The following DPP10 variants were observed in gnomAD, a reference collection of about 807,000 sequenced individuals.
The protein encoded by DPP10 is inactive dipeptidyl peptidase 10.
Under a neutral mutation model 120.9 loss-of-function variants are expected in DPP10, and 33 were observed. The observed-to-expected ratio is 0.27, with a 90% CI of 0.21 to 0.37. The LOEUF is 0.37. Ranked by LOEUF, DPP10 falls within the 10% of genes least tolerant of loss-of-function variation. The probability of loss-of-function intolerance (pLI) is 1.00; values close to 1 mark genes in which losing one functional copy is unlikely to be tolerated. For missense variants in DPP10, 816 were observed against 942.8 expected (o/e 0.87, Z 1.76); for synonymous variants, 337 against 326.1 (o/e 1.03, Z -0.36).
intron 1 of DPP10, among the ~76,000 whole-genome samples, chr2:115,054,124 T>C (rs576584818): frequency 1.3e-5 from 2 of 152,282 alleles, no homozygotes; most frequent in South Asian, 2.1e-4. Flanking sequence ...AATTGATAAA[T>C]ATGATATTAT....
At chr2:115,791,885 G>A (rs1356725475) in intron 19 of DPP10, among the ~76,000 whole-genome samples, 2 of 152,124 alleles carry the variant, frequency 1.3e-5, no homozygotes, top group East Asian at 1.9e-4. Context: ...TAGGCACCGA[G>A]GCCCCTAACA....
intron 1 of DPP10, among the ~76,000 whole-genome samples, chr2:114,719,134 A>G (rs1701542472): frequency 6.6e-6 from 1 of 152,204 alleles, no homozygotes; most frequent in African/African-American, 2.4e-5. Context: ...TAAATGTGCC[A>G]TAAAATACTT....
At chr2:114,980,990 C>G (rs1700053635) in intron 1 of DPP10, among the ~76,000 whole-genome samples, 1 of 135,770 alleles carries the variant, frequency 7.4e-6, no homozygotes, top group Non-Finnish European at 1.6e-5. Context: ...TATGTTGTGT[C>G]ATTTTTTTTT....
intron 1 of DPP10, among the ~76,000 whole-genome samples, chr2:114,915,264 A>G (rs941536510): frequency 2.6e-5 from 4 of 152,240 alleles, no homozygotes; most frequent in Admixed American, 2.0e-4. Flanking sequence ...AAAGACAAAG[A>G]AGAGCATTAC....
chr2:114,928,318 A>G (rs1481429185), intron 1 of DPP10, among the ~76,000 whole-genome samples: 1 of 152,236 alleles, frequency 6.6e-6, no homozygotes, highest in Non-Finnish European at 1.5e-5. Context: ...CAATTATTGT[A>G]CAGGCATTAG....
At chr2:115,612,228 GA>G (rs1249090763) in intron 5 of DPP10, among the ~76,000 whole-genome samples, 1 of 152,064 alleles carries the variant, frequency 6.6e-6, no homozygotes, top group Admixed American at 6.6e-5. Flanking sequence ...ACATCTTGAG[GA>G]AGCATGAAAT....
At chr2:115,603,576 T>TTG (rs902617444) in intron 5 of DPP10, among the ~76,000 whole-genome samples, 2 of 147,700 alleles carry the variant, frequency 1.4e-5, no homozygotes, top group African/African-American at 2.5e-5. Context: ...TTTTGTTTTT[T>TTG]TTTTTTTTGG....
At chr2:114,499,122 C>A (rs1038853946) in intron 1 of DPP10, among the ~76,000 whole-genome samples, 4 of 152,174 alleles carry the variant, frequency 2.6e-5, no homozygotes, top group African/African-American at 9.7e-5. Flanking sequence ...TGGCAGCTAT[C>A]CCTGATCTCT....
intron 1 of DPP10, among the ~76,000 whole-genome samples, chr2:115,060,931 A>G (rs560955716): frequency 2.6e-4 from 40 of 152,260 alleles, no homozygotes; most frequent in South Asian, 4.1e-4. Context: ...TATATTCACA[A>G]TCATACATTT....
chr2:115,261,425 TA>T (rs1559330429), intron 1 of DPP10, among the ~76,000 whole-genome samples: 2 of 152,182 alleles, frequency 1.3e-5, no homozygotes, highest in Non-Finnish European at 1.5e-5. Flanking sequence ...TCTGGAAACT[TA>T]AAAAAATTGG....
At chr2:114,956,494 G>C (rs1036988110) in intron 1 of DPP10, among the ~76,000 whole-genome samples, 1 of 151,860 alleles carries the variant, frequency 6.6e-6, no homozygotes, top group African/African-American at 2.4e-5. Context: ...GATTGAAAAA[G>C]TTTATATATT....
At chr2:115,162,144 C>A (rs147298374) in intron 1 of DPP10, 118 of 1,533,552 alleles carry the variant, frequency 7.7e-5, no homozygotes, top group Non-Finnish European at 9.7e-5. Context: ...CACCCTCCCC[C>A]GCCCCGCCCC....
chr2:114,808,927 CT>C (rs1684962629), intron 1 of DPP10, among the ~76,000 whole-genome samples: 2 of 152,052 alleles, frequency 1.3e-5, no homozygotes, highest in African/African-American at 4.8e-5. Context: ...ATAAAATTAT[CT>C]TTTTTATATG....
At position 115,726,932 on chromosome 2, in the gene DPP10, A is replaced by G. The variant is rs1477585600; in HGVS notation, c.577-884A>G. Among the ~76,000 whole-genome samples, 5 of 115,138 alleles carry G rather than the reference A, an allele frequency of 4.3e-5. No homozygotes were observed. In the East Asian group the frequency reaches 8.7e-4, roughly 20 times the overall value. The allele number at this position is 115,138 out of a possible 152,430, so 75.5% of individuals were successfully genotyped here. ...AGTAGAATGTTTGATCTAAATAGCA[A>G]TTTGGCTTGCCCTGGACAATGTTGT... is the stretch of plus-strand genomic sequence containing the variant. On this transcript the variant is annotated intron_variant, in intron 7 of 25. Coordinates refer to ENST00000410059, the MANE Select transcript of DPP10 (RefSeq NM_020868.6).
rs554182532 is a variant in DPP10 at position 114,909,094 on chromosome 2, A to G, written c.61-400145A>G. On this transcript the variant is annotated intron_variant, in intron 1 of 25. Transcript: ENST00000410059. ...CTAAGTTTTCAAATATGAATTTCAA[A>G]ATTTTGGAATTTGAAATTTCTTCTC... is the stretch of plus-strand genomic sequence containing the variant. Among the ~76,000 whole-genome samples the G allele has an allele frequency of 2.6e-5, 4 of 152,024 alleles. No individual in the cohort carries two copies. In the East Asian group the frequency reaches 7.7e-4, roughly 29 times the overall value.
At chr2:115,407,331 A>G (rs1025107475) in intron 3 of DPP10, among the ~76,000 whole-genome samples, 1 of 152,172 alleles carries the variant, frequency 6.6e-6, no homozygotes, top group Non-Finnish European at 1.5e-5. Context: ...TGTCTCTATC[A>G]TTCCCCCTCG....
intron 1 of DPP10, among the ~76,000 whole-genome samples, chr2:114,542,612 G>A (rs991854189): frequency 1.3e-5 from 2 of 152,188 alleles, no homozygotes; most frequent in Admixed American, 1.3e-4. Flanking sequence ...ATCGCCTTCA[G>A]TTGTGGTTGA....
intron 1 of DPP10, among the ~76,000 whole-genome samples, chr2:115,243,596 C>T (rs143096927): frequency 0.01 from 1,539 of 152,010 alleles, 25 homozygotes; most frequent in African/African-American, 0.034. Flanking sequence ...GAAAATCTCA[C>T]CATGATCTTT....
chr2:115,625,673 G>C (rs1410568791), intron 5 of DPP10, among the ~76,000 whole-genome samples: 1 of 152,054 alleles, frequency 6.6e-6, no homozygotes, highest in Non-Finnish European at 1.5e-5. Context: ...ACAACTCCAT[G>C]TTTAGGCATG....
Sources: allele counts gnomAD v4.1 joint callset (sites outside exome capture counted in the v4.1 genomes callset), GRCh38; gene constraint gnomAD v4.1.1; transcripts MANE v1.5; gene names NCBI Gene and HGNC (gene_info 2026-07-23, HGNC 2026-07-21).